The following ATP8B4 variants were observed in gnomAD, a reference collection of about 807,000 sequenced individuals.
The protein encoded by ATP8B4 is ATPase phospholipid transporting 8B4 (putative), also known as probable phospholipid-transporting ATPase IM.
A neutral mutation model predicts 145.6 loss-of-function variants in ATP8B4; 133 were observed. That is an observed-to-expected ratio of 0.91 (90% CI 0.79 to 1.05). The LOEUF is 1.05. Among genes scored for constraint, ATP8B4 ranks in the 50% least tolerant of loss-of-function variants. ATP8B4 has a pLI of 0.00. For missense variants in ATP8B4, 1,458 were observed against 1,425.2 expected (o/e 1.02, Z -0.37); for synonymous variants, 507 against 492.9 (o/e 1.03, Z -0.38).
At chr15:50,022,781 G>T (rs1419258181) in intron 6 of ATP8B4, among the ~76,000 whole-genome samples, 1 of 152,350 alleles carries the variant, frequency 6.6e-6, no homozygotes, top group East Asian at 1.9e-4. Context: ...ACCACAGTAA[G>T]TCCCTGGAAC....
chr15:50,043,871 T>C (rs1600034931), intron 5 of ATP8B4, among the ~76,000 whole-genome samples: 1 of 148,298 alleles, frequency 6.7e-6, no homozygotes, highest in Non-Finnish European at 1.5e-5. Flanking sequence ...GAGAATGGCG[T>C]GAACCCGGGA....
At chr15:49,942,252 C>CA (rs575876747) in intron 14 of ATP8B4, among the ~76,000 whole-genome samples, 1 of 150,804 alleles carries the variant, frequency 6.6e-6, no homozygotes, top group African/African-American at 2.4e-5. Context: ...AATGATACTA[C>CA]AAAAAAAAGT....
intron 8 of ATP8B4, among the ~76,000 whole-genome samples, chr15:49,997,727 C>A (rs997390161): frequency 6.6e-6 from 1 of 152,090 alleles, no homozygotes; most frequent in Non-Finnish European, 1.5e-5. Flanking sequence ...CCAATCTTAA[C>A]CTTCCGTAAA....
At chr15:50,088,807 A>G (rs1430405620) in intron 2 of ATP8B4, among the ~76,000 whole-genome samples, 3 of 152,216 alleles carry the variant, frequency 2.0e-5, no homozygotes, top group Non-Finnish European at 2.9e-5. Flanking sequence ...CGTTCAGTAT[A>G]TATTTCTGAA....
chr15:49,921,899 G>A (rs1012166774), intron 17 of ATP8B4, among the ~76,000 whole-genome samples: 1 of 152,194 alleles, frequency 6.6e-6, no homozygotes, highest in African/African-American at 2.4e-5. Flanking sequence ...CTACTGTCTT[G>A]TAATGATCTT....
At chr15:49,964,537 G>A (rs1455010588) in intron 13 of ATP8B4, among the ~76,000 whole-genome samples, 1 of 151,996 alleles carries the variant, frequency 6.6e-6, no homozygotes, top group Admixed American at 6.6e-5. Flanking sequence ...CCCCCAACTT[G>A]TATGAAAACA....
intron 23 of ATP8B4, among the ~76,000 whole-genome samples, chr15:49,884,742 A>G (rs2035969611): frequency 1.3e-5 from 2 of 152,154 alleles, no homozygotes; most frequent in Non-Finnish European, 2.9e-5. Context: ...AACAGCCTAT[A>G]ACAGTCCATA....
intron 7 of ATP8B4, among the ~76,000 whole-genome samples, chr15:50,004,349 G>A (rs1256525828): frequency 6.6e-6 from 1 of 152,170 alleles, no homozygotes; most frequent in Non-Finnish European, 1.5e-5. Flanking sequence ...GGGCAGGAGA[G>A]CTGCAGAAAA....
At chr15:50,024,564 T>A (rs1250559566) in intron 6 of ATP8B4, among the ~76,000 whole-genome samples, 1 of 152,174 alleles carries the variant, frequency 6.6e-6, no homozygotes, top group Non-Finnish European at 1.5e-5. Context: ...TGAGGACAGC[T>A]GGGTGAATAC....
chr15:50,136,024 T>C (rs149601987), intron 1 of ATP8B4, among the ~76,000 whole-genome samples: 171 of 152,332 alleles, frequency 1.1e-3, no homozygotes, highest in African/African-American at 4.0e-3. Flanking sequence ...ACTATTGATA[T>C]AACCATGACA....
At chr15:49,974,549 GT>G (rs1162757026) in intron 12 of ATP8B4, among the ~76,000 whole-genome samples, 1 of 151,812 alleles carries the variant, frequency 6.6e-6, no homozygotes, top group African/African-American at 2.4e-5. Context: ...TTTGTTTCCA[GT>G]TTTTCAATAT....
chr15:50,181,380 A>G (rs1161759243), intron 1 of ATP8B4, among the ~76,000 whole-genome samples: 1 of 152,236 alleles, frequency 6.6e-6, no homozygotes, highest in African/African-American at 2.4e-5. Flanking sequence ...GAGTCATGCC[A>G]ATACCACTTA....
At chr15:50,113,911 G>A (rs542784972) in intron 1 of ATP8B4, among the ~76,000 whole-genome samples, 5 of 146,524 alleles carry the variant, frequency 3.4e-5, no homozygotes, top group South Asian at 4.3e-4. Flanking sequence ...TGCAATTACC[G>A]TGCCTCAACA....
chr15:50,070,351 G>C (rs558541288), intron 3 of ATP8B4, among the ~76,000 whole-genome samples: 1 of 152,058 alleles, frequency 6.6e-6, no homozygotes, highest in East Asian at 1.9e-4. Flanking sequence ...TCAAATCCCA[G>C]CTCTACTTAG....
At chr15:49,906,904 G>C (rs2038686179) in intron 20 of ATP8B4, among the ~76,000 whole-genome samples, 1 of 152,198 alleles carries the variant, frequency 6.6e-6, no homozygotes, top group African/African-American at 2.4e-5. Flanking sequence ...ATTGGTAGTG[G>C]ATGAAGGAAC....
intron 3 of ATP8B4, among the ~76,000 whole-genome samples, chr15:50,056,572 G>T (rs569542184): frequency 6.6e-6 from 1 of 152,020 alleles, no homozygotes; most frequent in Non-Finnish European, 1.5e-5. Context: ...AGGGGTGCTC[G>T]TTTCCTGGGT....
chr15:49,954,545 A>T (rs2043387242), intron 14 of ATP8B4, among the ~76,000 whole-genome samples: 2 of 152,198 alleles, frequency 1.3e-5, no homozygotes, highest in South Asian at 4.1e-4. Flanking sequence ...TTCTCAAAAG[A>T]AGACATACAG....
At chr15:50,124,257 C>T (rs953176203) in intron 1 of ATP8B4, among the ~76,000 whole-genome samples, 7 of 152,114 alleles carry the variant, frequency 4.6e-5, no homozygotes, top group Non-Finnish European at 1.0e-4. Flanking sequence ...AACTCCTCCC[C>T]CACCCCAATT....
chr15:49,995,025 T>G lies in ATP8B4; in HGVS notation c.589+1652A>C, dbSNP rs184891282. 1.8e-3 allele frequency among the ~76,000 whole-genome samples: 267 copies of G among 152,222 alleles called. 3 individuals are homozygous for G. The highest frequency in any genetic ancestry group is 4.1e-3 in the Admixed American group (62 of 15,276). ...TGATGGAGAAGGCCACCCAACCCAC[T>G]AAGAATGTGACATGAGCAAGAATAA... On this transcript the variant is annotated intron_variant, in intron 9 of 27. Transcript: ENST00000284509.
Sources: gnomAD v4.1 joint callset for allele counts (sites outside exome capture counted in the v4.1 genomes callset) on GRCh38, gnomAD v4.1.1 for gene constraint, MANE v1.5 for transcripts, NCBI Gene and HGNC (gene_info 2026-07-23, HGNC 2026-07-21) for gene names.